HOMER2: variants seen among roughly 807,000 people sequenced by gnomAD.
The protein encoded by HOMER2 is homer scaffold protein 2, also known as homer protein homolog 2.
A neutral mutation model predicts 47.0 loss-of-function variants in HOMER2; 27 were observed. The ratio of observed to expected loss-of-function variants is 0.57; its 90% CI spans 0.42 to 0.79. The LOEUF is 0.79. HOMER2 is among the 30% of genes least tolerant of loss of function. The pLI is 0.00. For synonymous variants in HOMER2, 161 were observed against 163.8 expected (o/e 0.98, Z 0.13); for missense variants, 443 against 435.0 (o/e 1.02, Z -0.16).
intron 1 of HOMER2, among the ~76,000 whole-genome samples, chr15:82,914,120 A>G (rs985255937): frequency 6.6e-6 from 1 of 151,644 alleles, no homozygotes; most frequent in African/African-American, 2.4e-5. Context: ...GCAGATCACG[A>G]GGTCAGGAGA....
chr15:82,914,178 T>TACACACACACACACAC (rs58323062), intron 1 of HOMER2, among the ~76,000 whole-genome samples: 5 of 116,758 alleles, frequency 4.3e-5, no homozygotes, highest in African/African-American at 1.7e-4. Flanking sequence ...CTACTAAAAA[T>TACACACACACACACAC]ACACACACAC....
intron 4 of HOMER2, among the ~76,000 whole-genome samples, chr15:82,861,641 G>C (rs2051793609): frequency 6.6e-6 from 1 of 152,070 alleles, no homozygotes; most frequent in Admixed American, 6.5e-5. Flanking sequence ...CAACTATTTT[G>C]AAAACTTAAT....
intron 1 of HOMER2, chr15:82,898,359 TG>T (rs1465467466): frequency 5.3e-5 from 8 of 152,062 alleles, no homozygotes; most frequent in African/African-American, 1.7e-4. Context: ...AGGGAAAAGC[TG>T]AAGAGAGTGT....
At chr15:82,940,604 G>A (rs1280777839) in intron 1 of HOMER2, among the ~76,000 whole-genome samples, 1 of 152,126 alleles carries the variant, frequency 6.6e-6, no homozygotes, top group African/African-American at 2.4e-5. Flanking sequence ...TTAGCCTGGT[G>A]CCTGGCTGGT....
chr15:82,952,230 G>A lies in HOMER2; in HGVS notation c.5+301C>T, dbSNP rs576356356. Among the ~76,000 whole-genome samples the A allele has an allele frequency of 2.0e-3, 300 of 152,366 alleles. 7 individuals are homozygous for A. Among genetic ancestry groups the A allele is most frequent in the Admixed American group, 0.017 (266 of 15,314 alleles). On this transcript the variant is annotated intron_variant, in intron 1 of 8. Coordinates refer to ENST00000450735, the MANE Select transcript of HOMER2 (RefSeq NM_004839.4). Reference sequence around the variant, plus strand: ...GGGGCGAAGAGACCGCGGAATGGCCGAGGCAGGAGGCCGGCCAGGGCACCG... The same window carrying A: ...GGGGCGAAGAGACCGCGGAATGGCCAAGGCAGGAGGCCGGCCAGGGCACCG...
intron 1 of HOMER2, among the ~76,000 whole-genome samples, chr15:82,899,971 G>C (rs367780664): frequency 2.0e-5 from 3 of 152,098 alleles, no homozygotes; most frequent in African/African-American, 7.2e-5. Context: ...GCAGGGAGCC[G>C]AGATTATGCA....
chr15:82,938,907 C>G (rs1227308458), intron 1 of HOMER2, among the ~76,000 whole-genome samples: 1 of 152,186 alleles, frequency 6.6e-6, no homozygotes, highest in Non-Finnish European at 1.5e-5. Flanking sequence ...CCTCTCTCCT[C>G]CAGCCTTCCT....
chr15:82,963,379 C>T (rs140685657), intron 1 of HOMER2, among the ~76,000 whole-genome samples: 1,658 of 152,162 alleles, frequency 0.011, 9 homozygotes, highest in Non-Finnish European at 0.016. Context: ...CATGAGCCAC[C>T]GCACTGGGTC....
chr15:82,865,696 G>A (rs1486098931), intron 3 of HOMER2, among the ~76,000 whole-genome samples: 1 of 152,194 alleles, frequency 6.6e-6, no homozygotes, highest in Non-Finnish European at 1.5e-5. Context: ...TACAGACTTG[G>A]TGACCTGCAT....
intron 1 of HOMER2, among the ~76,000 whole-genome samples, chr15:82,901,893 T>TG (rs1286378777): frequency 6.6e-6 from 1 of 152,200 alleles, no homozygotes; most frequent in Non-Finnish European, 1.5e-5. Flanking sequence ...GGAAATAGCT[T>TG]GGGGGCTGCA....
At chr15:82,896,443 G>A (rs1052011812) in intron 1 of HOMER2, among the ~76,000 whole-genome samples, 16 of 152,172 alleles carry the variant, frequency 1.1e-4, no homozygotes, top group African/African-American at 3.6e-4. Context: ...CTCTGTGGAT[G>A]GACTGAAGTC....
chr15:82,952,520 G>A lies in HOMER2; in HGVS notation c.5+11C>T, dbSNP rs1348294012. ...GGGCGCGCGGAGAGCGCGCGGCGCG[G>A]GCTCACTCACCCCATCTCCGGCGCT... On this transcript the variant is annotated intron_variant, in intron 1 of 8. Transcript: ENST00000450735. The A allele has an allele frequency of 2.9e-5, 34 of 1,188,664 alleles. No homozygotes were observed. Among genetic ancestry groups the A allele is most frequent in the Non-Finnish European group, 3.3e-5 (32 of 959,710 alleles). The allele number at this position is 1,188,664 out of a possible 1,614,324, so 73.6% of individuals were successfully genotyped here.
intron 1 of HOMER2, among the ~76,000 whole-genome samples, chr15:82,933,254 T>C (rs1048720648): frequency 4.6e-5 from 7 of 152,008 alleles, no homozygotes; most frequent in Non-Finnish European, 8.8e-5. Context: ...TGAGATGAGG[T>C]CTTGCTCTGT....
At chr15:82,853,344 G>A (rs1050275678) in intron 6 of HOMER2, among the ~76,000 whole-genome samples, 1 of 152,216 alleles carries the variant, frequency 6.6e-6, no homozygotes, top group Admixed American at 6.5e-5. Flanking sequence ...AAGGGCAATC[G>A]ATCCCTCTGG....
intron 1 of HOMER2, among the ~76,000 whole-genome samples, chr15:82,908,898 G>A (rs1372381160): frequency 6.6e-6 from 1 of 152,052 alleles, no homozygotes; most frequent in Non-Finnish European, 1.5e-5. Flanking sequence ...GGAAGTGAGT[G>A]GTATTTCTTT....
intron 1 of HOMER2, among the ~76,000 whole-genome samples, chr15:82,895,427 C>A (rs1848065099): frequency 6.6e-6 from 1 of 152,230 alleles, no homozygotes; most frequent in South Asian, 2.1e-4. Context: ...ATACCCCATC[C>A]ATGTGATATA....
Position 82,936,203 on chromosome 15 carries a change from C to T in HOMER2, c.5+16328G>A, listed in dbSNP as rs551132493. 1.7e-4 allele frequency among the ~76,000 whole-genome samples: 26 copies of T among 152,340 alleles called. No homozygotes were observed. The South Asian group carries it at 5.4e-3, about 32-fold the overall frequency. On this transcript the variant is annotated intron_variant, in intron 1 of 8. Coordinates refer to ENST00000450735, the MANE Select transcript of HOMER2 (RefSeq NM_004839.4). Reference sequence around the variant, plus strand: ...TAGAACGCTCTGCTCCCTTTCTGCACATGCGGTAGCAGCCTAAATGTCACC... The same window carrying T: ...TAGAACGCTCTGCTCCCTTTCTGCATATGCGGTAGCAGCCTAAATGTCACC...
intron 2 of HOMER2, among the ~76,000 whole-genome samples, chr15:82,878,283 C>T (rs1443430137): frequency 2.6e-5 from 4 of 152,066 alleles, no homozygotes; most frequent in African/African-American, 9.7e-5. Flanking sequence ...ATGGTGATAC[C>T]CCCTGCTATT....
intron 1 of HOMER2, among the ~76,000 whole-genome samples, chr15:82,940,807 C>T (rs1284323696): frequency 1.3e-5 from 2 of 151,728 alleles, no homozygotes; most frequent in Admixed American, 6.6e-5. Flanking sequence ...GTGGGAGGAT[C>T]GCTTGTGCCC....
Sources: allele counts gnomAD v4.1 joint callset (sites outside exome capture counted in the v4.1 genomes callset), GRCh38; gene constraint gnomAD v4.1.1; transcripts MANE v1.5; gene names NCBI Gene and HGNC (gene_info 2026-07-23, HGNC 2026-07-21).